Variants in FOXP2 observed in about 807,000 individuals in gnomAD.
FOXP2 encodes forkhead box protein P2.
In FOXP2, 12 loss-of-function variants were observed where a neutral mutation model predicts 115.8. That is an observed-to-expected ratio of 0.10 (90% CI 0.07 to 0.17). The LOEUF (loss-of-function observed/expected upper bound fraction) is 0.17, where lower values mean the gene tolerates loss of function less well. Ranked by LOEUF, FOXP2 falls within the 10% of genes least tolerant of loss-of-function variation. FOXP2 has a pLI of 1.00. For synonymous variants in FOXP2, 328 were observed against 297.7 expected (o/e 1.10, Z -1.05); for missense variants, 629 against 843.5 (o/e 0.75, Z 3.15).
intron 16 of FOXP2, among the ~76,000 whole-genome samples, chr7:114,675,484 T>C (rs1422964028): frequency 6.6e-6 from 1 of 152,186 alleles, no homozygotes; most frequent in Non-Finnish European, 1.5e-5. Context: ...TTTTATATCT[T>C]GAAAACAGCA....
chr7:114,407,251 G>A (rs1215860795), intron 2 of FOXP2, among the ~76,000 whole-genome samples: 1 of 151,852 alleles, frequency 6.6e-6, no homozygotes, highest in Non-Finnish European at 1.5e-5. Flanking sequence ...TTCCTGGAAG[G>A]TTTAGTGATG....
chr7:114,176,302 C>CTTTCTTTCTTTCTT (rs1562992950), intron 1 of FOXP2, among the ~76,000 whole-genome samples: 2 of 91,346 alleles, frequency 2.2e-5, no homozygotes, highest in Admixed American at 1.2e-4. Flanking sequence ...CTTTCTTTCT[C>CTTTCTTTCTTTCTT]TCTCTCTCTC....
At chr7:114,683,805 T>A (rs1808217382) in intron 16 of FOXP2, among the ~76,000 whole-genome samples, 1 of 152,054 alleles carries the variant, frequency 6.6e-6, no homozygotes, top group Non-Finnish European at 1.5e-5. Context: ...ATGTTTTGAG[T>A]CTGAAATGGA....
chr7:114,216,343 C>A (rs1308174606), intron 1 of FOXP2, among the ~76,000 whole-genome samples: 1 of 152,026 alleles, frequency 6.6e-6, no homozygotes, highest in African/African-American at 2.4e-5. Flanking sequence ...TTTATGAGAT[C>A]CAATTCAAAT....
chr7:114,307,010 T>A (rs1797030808), intron 2 of FOXP2, among the ~76,000 whole-genome samples: 1 of 152,144 alleles, frequency 6.6e-6, no homozygotes, highest in Non-Finnish European at 1.5e-5. Context: ...ATAATCTTAA[T>A]TCCATCTGCA....
chr7:114,448,369 G>A (rs1794925655), intron 2 of FOXP2, among the ~76,000 whole-genome samples: 1 of 152,058 alleles, frequency 6.6e-6, no homozygotes, highest in South Asian at 2.1e-4. Context: ...TTTCAAAGCT[G>A]AGTTATAAGC....
chr7:114,581,136 T>C (rs542341829), intron 3 of FOXP2, among the ~76,000 whole-genome samples: 4 of 149,974 alleles, frequency 2.7e-5, no homozygotes, highest in African/African-American at 9.8e-5. Context: ...ATTTGTTGCT[T>C]CTATCTTCTT....
chr7:114,173,755 G>A (rs1662045353), intron 1 of FOXP2, among the ~76,000 whole-genome samples: 1 of 151,858 alleles, frequency 6.6e-6, no homozygotes, highest in South Asian at 2.1e-4. Context: ...TTGCCATATT[G>A]AAATTTTGGG....
At chr7:114,172,263 G>A (rs542142969) in intron 1 of FOXP2, among the ~76,000 whole-genome samples, 1 of 152,234 alleles carries the variant, frequency 6.6e-6, no homozygotes, top group South Asian at 2.1e-4. Flanking sequence ...TCTGATAACT[G>A]AACCTGCGAT....
At chr7:114,396,672 T>C (rs1284198712) in intron 2 of FOXP2, among the ~76,000 whole-genome samples, 1 of 144,558 alleles carries the variant, frequency 6.9e-6, no homozygotes, top group African/African-American at 2.8e-5. Context: ...GTTGAGAGGG[T>C]GGTGGTGGTG....
At chr7:114,482,427 A>AT (rs907597104) in intron 2 of FOXP2, among the ~76,000 whole-genome samples, 3 of 151,518 alleles carry the variant, frequency 2.0e-5, no homozygotes, top group African/African-American at 7.2e-5. Context: ...GTAATTTGAG[A>AT]TTTTTTAAAT....
intron 1 of FOXP2, among the ~76,000 whole-genome samples, chr7:114,151,589 A>G (rs923713194): frequency 2.6e-5 from 4 of 152,074 alleles, no homozygotes; most frequent in Non-Finnish European, 2.9e-5. Context: ...TTGTTCAATC[A>G]TATGGTGCCA....
Position 114,659,375 on chromosome 7 carries a change from A to G in FOXP2, c.1488A>G (p.Glu496=). ...TTATAGAAATTGCCCCAAACTATGA[A>G]TTTTATAAAAATGCAGATGTCAGAC... ...PMSSEIAPNY[E]FYKNADVRPP... is the part of the protein sequence containing the mutation. The change falls in exon 12 of 17, where the codon GAA becomes GAG. Residue 496 remains glutamate, a synonymous_variant. Coordinates refer to ENST00000350908, the MANE Select transcript of FOXP2 (RefSeq NM_014491.4). The G allele has an allele frequency of 6.2e-7, 1 of 1,612,524 alleles. No individual in the cohort carries two copies. Among genetic ancestry groups the G allele is most frequent in the Non-Finnish European group, 8.5e-7 (1 of 1,178,896 alleles).
intron 16 of FOXP2, among the ~76,000 whole-genome samples, chr7:114,670,672 T>C (rs1807444539): frequency 6.6e-6 from 1 of 152,100 alleles, no homozygotes; most frequent in Admixed American, 6.5e-5. Context: ...TTCCTTCTAT[T>C]CTCTTTGGCT....
intron 1 of FOXP2, among the ~76,000 whole-genome samples, chr7:114,280,165 T>C (rs980980621): frequency 2.0e-5 from 3 of 152,004 alleles, no homozygotes; most frequent in Non-Finnish European, 4.4e-5. Context: ...CTTGACTTGC[T>C]GGTGTATTTT....
intron 1 of FOXP2, among the ~76,000 whole-genome samples, chr7:114,258,330 T>C (rs1490550864): frequency 1.3e-5 from 2 of 152,352 alleles, no homozygotes; most frequent in East Asian, 3.9e-4. Flanking sequence ...GTGGATATCC[T>C]ATGATTGGTT....
chr7:114,511,190 C>T, intron 2 of FOXP2, among the ~76,000 whole-genome samples: 1 of 151,966 alleles, frequency 6.6e-6, no homozygotes, highest in East Asian at 1.9e-4. Flanking sequence ...GAACATCACC[C>T]ACCAGGGCCT....
intron 7 of FOXP2, among the ~76,000 whole-genome samples, chr7:114,644,175 T>A (rs1396157466): frequency 1.3e-5 from 2 of 152,168 alleles, no homozygotes; most frequent in African/African-American, 2.4e-5. Context: ...ATAAAGCTAA[T>A]GAATACTGTT....
At chr7:114,612,820 G>C (rs1484468469) in intron 3 of FOXP2, among the ~76,000 whole-genome samples, 5 of 152,096 alleles carry the variant, frequency 3.3e-5, no homozygotes, top group Non-Finnish European at 5.9e-5. Context: ...TAGTGTTCTT[G>C]AAGCGATCTA....
Sources: gnomAD v4.1 joint callset for allele counts (sites outside exome capture counted in the v4.1 genomes callset) on GRCh38, gnomAD v4.1.1 for gene constraint, MANE v1.5 for transcripts, NCBI Gene and HGNC (gene_info 2026-07-23, HGNC 2026-07-21) for gene names.